Variants in SNTG1 observed in about 807,000 individuals in gnomAD.
The protein encoded by SNTG1 is syntrophin gamma 1, also known as gamma-1-syntrophin.
A neutral mutation model predicts 74.7 loss-of-function variants in SNTG1; 39 were observed. That is an observed-to-expected ratio of 0.52 (90% CI 0.40 to 0.68). The LOEUF is 0.68. Among genes scored for constraint, SNTG1 ranks in the 30% least tolerant of loss-of-function variants. The pLI is 0.00. For synonymous variants in SNTG1, 254 were observed against 217.1 expected, an observed-to-expected ratio of 1.17 and a Z score of -1.49; for missense variants, 685 against 609.5, an observed-to-expected ratio of 1.12 and a Z score of -1.30.
chr8:50,384,135 C>T (rs1042657099), intron 2 of SNTG1, among the ~76,000 whole-genome samples: 1 of 152,102 alleles, frequency 6.6e-6, no homozygotes, highest in Non-Finnish European at 1.5e-5. Flanking sequence ...TGAACATATA[C>T]AGCTTCCTGG....
intron 1 of SNTG1, among the ~76,000 whole-genome samples, chr8:50,138,402 G>A (rs1014415995): frequency 1.3e-5 from 2 of 151,856 alleles, no homozygotes; most frequent in Admixed American, 6.6e-5. Flanking sequence ...TGGGTCAACC[G>A]AGGTCAGGAG....
chr8:50,367,076 C>T lies in SNTG1; in HGVS notation c.-27-27136C>T, dbSNP rs1217146141. On this transcript the variant is annotated intron_variant, in intron 2 of 18. Transcript: ENST00000642720. ...CAGCAATAGCATGGAGTCCTAGAAC[C>T]CACCCCAGAGTTGATGATAATTGTT... is the stretch of plus-strand genomic sequence containing the variant. Among the ~76,000 whole-genome samples, 3 of 151,184 alleles carry T rather than the reference C, an allele frequency of 2.0e-5. No homozygotes were observed. In the Admixed American group the frequency reaches 2.0e-4, roughly 10 times the overall value.
At chr8:49,956,733 T>A (rs1481531271) in intron 1 of SNTG1, among the ~76,000 whole-genome samples, 1 of 152,064 alleles carries the variant, frequency 6.6e-6, no homozygotes, top group African/African-American at 2.4e-5. Context: ...GACAGACATA[T>A]CCTGGACCCA....
rs573154687 is a variant in SNTG1, at chr8:50,153,688, G to T, written c.-102-18873G>T. On this transcript the variant is annotated intron_variant, in intron 1 of 18. Coordinates refer to ENST00000642720, the MANE Select transcript of SNTG1 (RefSeq NM_018967.5). ...GTCCACTCCAGACCCTGTTTGCCTG[G>T]GTATCAGCAGCGGAGGCTGCAGAAC... Among the ~76,000 whole-genome samples the T allele has an allele frequency of 3.3e-5, 5 of 152,270 alleles. No homozygotes were observed. The East Asian group carries it at 9.7e-4, about 29-fold the overall frequency.
At chr8:50,048,040 CAATT>C (rs1563520220) in intron 1 of SNTG1, among the ~76,000 whole-genome samples, 1 of 151,912 alleles carries the variant, frequency 6.6e-6, no homozygotes, top group Non-Finnish European at 1.5e-5. Context: ...ACAAATAAAA[CAATT>C]AATAAATCAT....
At chr8:50,026,819 T>A (rs1817303730) in intron 1 of SNTG1, among the ~76,000 whole-genome samples, 1 of 152,186 alleles carries the variant, frequency 6.6e-6, no homozygotes, top group African/African-American at 2.4e-5. Flanking sequence ...TTTTGCATTG[T>A]TTAAAACCTA....
At chr8:50,088,788 C>T (rs1157922802) in intron 1 of SNTG1, among the ~76,000 whole-genome samples, 3 of 148,840 alleles carry the variant, frequency 2.0e-5, no homozygotes, top group African/African-American at 7.3e-5. Context: ...ATTCCATGCT[C>T]ATGGGTAGGA....
At chr8:49,944,413 ATTCT>A (rs4006377) in intron 1 of SNTG1, among the ~76,000 whole-genome samples, 92 of 151,708 alleles carry the variant, frequency 6.1e-4, no homozygotes, top group South Asian at 1.7e-3. Flanking sequence ...CATAACATAC[ATTCT>A]TTCTTTCTTT....
intron 18 of SNTG1, among the ~76,000 whole-genome samples, chr8:50,755,332 A>G (rs1398476075): frequency 1.3e-5 from 2 of 151,756 alleles, no homozygotes; most frequent in African/African-American, 2.4e-5. Flanking sequence ...CTTTTTCAAA[A>G]TGTCATATAG....
chr8:50,362,438 C>T (rs1225571098), intron 2 of SNTG1, among the ~76,000 whole-genome samples: 1 of 152,088 alleles, frequency 6.6e-6, no homozygotes, highest in African/African-American at 2.4e-5. Flanking sequence ...GTATTGGACA[C>T]TTCAAAGAAT....
At chr8:50,163,121 C>T (rs1440706201) in intron 1 of SNTG1, among the ~76,000 whole-genome samples, 2 of 152,154 alleles carry the variant, frequency 1.3e-5, no homozygotes, top group Middle Eastern at 3.2e-3. Context: ...CCTCTCCCTT[C>T]ACCCTCCAGG....
intron 1 of SNTG1, among the ~76,000 whole-genome samples, chr8:50,086,148 C>A (rs1822865000): frequency 6.6e-6 from 1 of 152,092 alleles, no homozygotes. Flanking sequence ...AAGAAAAATT[C>A]AGAGAGACAA....
chr8:50,503,122 T>C (rs1382116573), intron 9 of SNTG1, among the ~76,000 whole-genome samples: 18 of 152,164 alleles, frequency 1.2e-4, no homozygotes, highest in Admixed American at 1.2e-3. Flanking sequence ...TTATTTGTTT[T>C]AAAAATAGGC....
chr8:49,985,613 A>G (rs956872013), intron 1 of SNTG1, among the ~76,000 whole-genome samples: 1 of 152,216 alleles, frequency 6.6e-6, no homozygotes, highest in Non-Finnish European at 1.5e-5. Context: ...AAAATAGTTC[A>G]TATAAATTAT....
chr8:50,297,946 G>A (rs1034339877), intron 2 of SNTG1, among the ~76,000 whole-genome samples: 2 of 150,662 alleles, frequency 1.3e-5, no homozygotes, highest in African/African-American at 4.9e-5. Context: ...AAAAATAGAA[G>A]TAAAATATTG....
intron 9 of SNTG1, among the ~76,000 whole-genome samples, chr8:50,512,274 C>T (rs2094085859): frequency 6.6e-6 from 1 of 152,110 alleles, no homozygotes; most frequent in African/African-American, 2.4e-5. Context: ...AGAGTTTCCA[C>T]CGAGAGATCA....
intron 18 of SNTG1, among the ~76,000 whole-genome samples, chr8:50,777,592 G>T (rs934908276): frequency 4.0e-5 from 6 of 151,350 alleles, no homozygotes; most frequent in Non-Finnish European, 8.8e-5. Flanking sequence ...TAAAATATTT[G>T]TCAACTGATT....
intron 1 of SNTG1, among the ~76,000 whole-genome samples, chr8:50,027,582 A>G (rs1009263565): frequency 6.6e-6 from 1 of 152,206 alleles, no homozygotes; most frequent in Admixed American, 6.5e-5. Flanking sequence ...GCTGCCAGCC[A>G]GGGGCTGCTG....
chr8:50,662,200 T>C (rs1244453657), intron 15 of SNTG1, among the ~76,000 whole-genome samples: 1 of 152,186 alleles, frequency 6.6e-6, no homozygotes. Context: ...GTGCAAGTTG[T>C]AGACTTCTGC....
Sources: gnomAD v4.1 joint callset for allele counts (sites outside exome capture counted in the v4.1 genomes callset) on GRCh38, gnomAD v4.1.1 for gene constraint, MANE v1.5 for transcripts, NCBI Gene and HGNC (gene_info 2026-07-23, HGNC 2026-07-21) for gene names.